Variants in DOCK1 observed in about 807,000 individuals in gnomAD.
DOCK1 encodes dedicator of cytokinesis 1.
DOCK1 carries 138 observed loss-of-function variants against 262.7 expected under a neutral mutation model. The observed-to-expected ratio is 0.53, with a 90% CI of 0.46 to 0.61. The LOEUF is 0.61. DOCK1 is among the 20% of genes least tolerant of loss of function. DOCK1 has a pLI of 0.00. For missense variants in DOCK1, 1,908 were observed against 2,370.7 expected (o/e 0.80, Z 4.05); for synonymous variants, 866 against 867.4 (o/e 1.00, Z 0.03).
chr10:127,031,768 T>G lies in DOCK1; in HGVS notation c.1728+15T>G. 6.2e-7 allele frequency: 1 copy of G among 1,601,424 alleles called. No homozygotes were observed. Among genetic ancestry groups the G allele is most frequent in the Non-Finnish European group, 8.5e-7 (1 of 1,172,610 alleles). ...TCGTCTATAAGGTATCTGGTTGCAT[T>G]GGTGCAATATTGCTGCTATAGACAG... On this transcript the variant is annotated intron_variant, in intron 17 of 51. Transcript: ENST00000623213.
At chr10:127,189,210 C>A (rs567850165) in intron 27 of DOCK1, among the ~76,000 whole-genome samples, 1 of 152,358 alleles carries the variant, frequency 6.6e-6, no homozygotes, top group African/African-American at 2.4e-5. Context: ...TAGACTTATA[C>A]TTTAAAGCTG....
chr10:127,389,141 C>T (rs1590839181), intron 38 of DOCK1, among the ~76,000 whole-genome samples: 1 of 152,308 alleles, frequency 6.6e-6, no homozygotes, highest in South Asian at 2.1e-4. Context: ...AGAATGGGCT[C>T]CTGACCCCCG....
chr10:127,345,610 G>C (rs1271115302), intron 31 of DOCK1, among the ~76,000 whole-genome samples: 1 of 152,220 alleles, frequency 6.6e-6, no homozygotes, highest in Non-Finnish European at 1.5e-5. Flanking sequence ...AAATGCACTT[G>C]CTGAGCCAAG....
chr10:127,304,587 T>C lies in DOCK1; in HGVS notation c.3045-34419T>C, dbSNP rs142143994. Among the ~76,000 whole-genome samples the C allele has an allele frequency of 4.6e-3, 702 of 152,294 alleles. 6 individuals carry two copies. The highest frequency in any genetic ancestry group is 0.016 in the African/African-American group (675 of 41,570). On this transcript the variant is annotated intron_variant, in intron 29 of 51. Transcript: ENST00000623213. Reference sequence around the variant, plus strand: ...CACATACCTTGTATTTTATTTTTACTGAAAACACATAAGTGAGGTCAGGTG... The same window carrying C: ...CACATACCTTGTATTTTATTTTTACCGAAAACACATAAGTGAGGTCAGGTG...
intron 29 of DOCK1, among the ~76,000 whole-genome samples, chr10:127,312,971 C>G (rs966698488): frequency 5.9e-5 from 9 of 152,156 alleles, no homozygotes; most frequent in Non-Finnish European, 8.8e-5. Flanking sequence ...TAAGTCCACT[C>G]CCCTAGCCTG....
rs755113839 is a variant in DOCK1 at position 126,905,491 on chromosome 10, C to T, written c.-27C>T. On this transcript the variant is annotated 5_prime_UTR_variant, in exon 1 of 52. Coordinates refer to ENST00000623213, the MANE Select transcript of DOCK1 (RefSeq NM_001290223.2). Reference sequence around the variant, plus strand: ...GCGGCCTAGACGCGGAGTTTCCTGCCCGACCCGCGGCGGCTCCGGCGGCGC... The same window carrying T: ...GCGGCCTAGACGCGGAGTTTCCTGCTCGACCCGCGGCGGCTCCGGCGGCGC... 7.5e-6 allele frequency: 4 copies of T among 534,648 alleles called. No individual in the cohort carries two copies. In the South Asian group the frequency reaches 8.8e-5, roughly 12 times the overall value. 33.1% of individuals were successfully genotyped at this position (534,648 alleles called of 1,614,324 possible). A position where few individuals can be genotyped will look rare whatever the true frequency, so the allele number is the denominator to read the frequency against.
rs1022848711 is a variant in DOCK1 at position 126,946,892 on chromosome 10, C to T, written c.47-23810C>T. Reference sequence around the variant, plus strand: ...TGTCCACTCTTTGCTGGAGGAAGTGCGTTAGTGCCCATCTCACGGTCACAG... The same window carrying T: ...TGTCCACTCTTTGCTGGAGGAAGTGTGTTAGTGCCCATCTCACGGTCACAG... On this transcript the variant is annotated intron_variant, in intron 1 of 51. Coordinates refer to ENST00000623213, the MANE Select transcript of DOCK1 (RefSeq NM_001290223.2). Among the ~76,000 whole-genome samples, 42 of 152,288 alleles carry T rather than the reference C, an allele frequency of 2.8e-4. No individual in the cohort carries two copies. The South Asian group carries it at 3.9e-3, about 14-fold the overall frequency.
intron 27 of DOCK1, chr10:127,195,923 C>G (rs1389532584): frequency 1.3e-5 from 2 of 152,266 alleles, no homozygotes; most frequent in Admixed American, 1.3e-4. Flanking sequence ...GCGCCCGTCC[C>G]AGCGGTGCTC....
chr10:127,009,664 T>TCC (rs2135278625), intron 11 of DOCK1, among the ~76,000 whole-genome samples: 1 of 152,286 alleles, frequency 6.6e-6, no homozygotes, highest in East Asian at 1.9e-4. Flanking sequence ...GTTTCACTTT[T>TCC]CCCTCATTTT....
intron 22 of DOCK1, among the ~76,000 whole-genome samples, chr10:127,059,895 T>C (rs1250247791): frequency 6.6e-6 from 1 of 152,202 alleles, no homozygotes; most frequent in Admixed American, 6.5e-5. Flanking sequence ...CTGTAGAAGC[T>C]TCAGATGATG....
At chr10:127,033,912 G>GT (rs1465101308) in intron 18 of DOCK1, among the ~76,000 whole-genome samples, 1 of 152,168 alleles carries the variant, frequency 6.6e-6, no homozygotes, top group Non-Finnish European at 1.5e-5. Flanking sequence ...TGTGGGAGCA[G>GT]TAAGTCTCTT....
intron 23 of DOCK1, among the ~76,000 whole-genome samples, chr10:127,097,033 A>AG (rs2047948802): frequency 2.0e-5 from 3 of 152,144 alleles, no homozygotes; most frequent in African/African-American, 7.2e-5. Flanking sequence ...TGAACCTGGG[A>AG]GGTGGAGGTT....
At chr10:127,222,862 A>G in intron 27 of DOCK1, among the ~76,000 whole-genome samples, 1 of 132,674 alleles carries the variant, frequency 7.5e-6, no homozygotes. Context: ...TTTTTTGTGG[A>G]GATTAGGTCT....
intron 29 of DOCK1, among the ~76,000 whole-genome samples, chr10:127,331,192 T>TGA (rs2062964035): frequency 6.6e-6 from 1 of 152,186 alleles, no homozygotes; most frequent in Non-Finnish European, 1.5e-5. Flanking sequence ...TAAAGGCTAT[T>TGA]AAGGAAAGGG....
At chr10:127,101,810 G>T (rs1457919588) in intron 23 of DOCK1, among the ~76,000 whole-genome samples, 1 of 152,228 alleles carries the variant, frequency 6.6e-6, no homozygotes, top group African/African-American at 2.4e-5. Context: ...GCTGGGCACA[G>T]TATAAAATGC....
intron 22 of DOCK1, among the ~76,000 whole-genome samples, chr10:127,059,086 A>G (rs565729892): frequency 6.6e-5 from 10 of 152,272 alleles, no homozygotes; most frequent in African/African-American, 2.4e-4. Context: ...TTCACTCACT[A>G]TAGCATTCTA....
chr10:127,393,244 T>G (rs1459824748), intron 38 of DOCK1, among the ~76,000 whole-genome samples: 1 of 152,132 alleles, frequency 6.6e-6, no homozygotes, highest in East Asian at 1.9e-4. Context: ...AGACCAGTGA[T>G]TACCGGGGCT....
At chr10:126,984,111 T>C (rs1008387098) in intron 4 of DOCK1, among the ~76,000 whole-genome samples, 2 of 152,156 alleles carry the variant, frequency 1.3e-5, no homozygotes, top group Non-Finnish European at 2.9e-5. Context: ...AGCCTTCTCC[T>C]ATTTCTTTGT....
chr10:127,157,376 G>A (rs775599334), intron 27 of DOCK1, among the ~76,000 whole-genome samples: 13 of 152,234 alleles, frequency 8.5e-5, no homozygotes, highest in Non-Finnish European at 1.8e-4. Flanking sequence ...GGGGAGAGAT[G>A]AGGACATGTG....
Sources: gnomAD v4.1 joint callset for allele counts (sites outside exome capture counted in the v4.1 genomes callset) on GRCh38, gnomAD v4.1.1 for gene constraint, MANE v1.5 for transcripts, NCBI Gene and HGNC (gene_info 2026-07-23, HGNC 2026-07-21) for gene names.